Variants in PTPRR observed in about 807,000 individuals in gnomAD.
PTPRR encodes protein tyrosine phosphatase receptor type R.
A neutral mutation model predicts 77.2 loss-of-function variants in PTPRR; 38 were observed. The ratio of observed to expected loss-of-function variants is 0.49; its 90% confidence interval spans 0.38 to 0.65. The LOEUF is 0.65. PTPRR is among the 30% of genes least tolerant of loss of function. The probability of loss-of-function intolerance (pLI) is 0.00; values close to 1 mark genes in which losing one functional copy is unlikely to be tolerated. For missense variants in PTPRR, 744 were observed against 799.2 expected (o/e 0.93, Z 0.83); for synonymous variants, 299 against 283.1 (o/e 1.06, Z -0.57).
chr12:70,661,302 C>G lies in PTPRR; in HGVS notation c.1609-205G>C, dbSNP rs79828932. 1.5e-3 allele frequency: 988 copies of G among 657,342 alleles called. 12 individuals are homozygous for G. In the East Asian group the frequency reaches 0.028, roughly 19 times the overall value. 40.7% of individuals were successfully genotyped at this position (657,342 alleles called of 1,614,324 possible). ...TAACCTGTTTGCAAAGTGAGAAAGT[C>G]ATACCTTTGTTGAGATTTACATCTC... On this transcript the variant is annotated intron_variant, in intron 11 of 13. Transcript: ENST00000283228.
intron 3 of PTPRR, among the ~76,000 whole-genome samples, chr12:70,764,311 G>A (rs1232034416): frequency 2.0e-5 from 3 of 152,144 alleles, no homozygotes; most frequent in African/African-American, 7.2e-5. Flanking sequence ...TATTTTCGGA[G>A]TAGTGTCAGG....
At chr12:70,640,612 T>C (rs1885964552) in intron 13 of PTPRR, among the ~76,000 whole-genome samples, 1 of 152,180 alleles carries the variant, frequency 6.6e-6, no homozygotes, top group African/African-American at 2.4e-5. Context: ...CAACTGATCT[T>C]ATCTTTTAGT....
chr12:70,698,391 C>T (rs1888307136), intron 7 of PTPRR, 42 bp from the exon 8 acceptor site: 7 of 1,539,056 alleles, frequency 4.5e-6, no homozygotes, highest in Non-Finnish European at 6.3e-6. Flanking sequence ...TCTAATACTG[C>T]CACAAAGAAA....
intron 13 of PTPRR, among the ~76,000 whole-genome samples, chr12:70,654,121 C>T (rs1566045110): frequency 6.6e-6 from 1 of 152,028 alleles, no homozygotes; most frequent in Non-Finnish European, 1.5e-5. Context: ...ATGATAATAA[C>T]ATAACAAACA....
rs191707840 is a variant in PTPRR at position 70,900,365 on chromosome 12, C to T, written c.59-7388G>A. On this transcript the variant is annotated intron_variant, in intron 1 of 13. Transcript: ENST00000283228. Reference sequence around the variant, plus strand: ...CATGAAATTGGATTCATACATCACACCATATACAAAAATGAATTAAAGATT... The same window carrying T: ...CATGAAATTGGATTCATACATCACATCATATACAAAAATGAATTAAAGATT... Among the ~76,000 whole-genome samples, 14 of 151,248 alleles carry T rather than the reference C, an allele frequency of 9.3e-5. No homozygotes were observed. In the East Asian group the frequency reaches 2.3e-3, roughly 25 times the overall value.
chr12:70,672,179 T>C (rs1323850674), intron 10 of PTPRR: 1 of 1,542,294 alleles, frequency 6.5e-7, no homozygotes, highest in Non-Finnish European at 8.9e-7. Flanking sequence ...GGGTGCCCAG[T>C]TGCCAGTCCT....
chr12:70,913,228 A>C (rs1010059271), intron 1 of PTPRR, among the ~76,000 whole-genome samples: 6 of 152,140 alleles, frequency 3.9e-5, no homozygotes, highest in African/African-American at 1.2e-4. Context: ...GGATCCAAAA[A>C]CTTTATGGTT....
At chr12:70,804,133 C>T (rs569123403) in intron 2 of PTPRR, among the ~76,000 whole-genome samples, 2 of 82,162 alleles carry the variant, frequency 2.4e-5, no homozygotes, top group African/African-American at 6.7e-5. Context: ...TCACCTGTTC[C>T]TGGCTCTGTG....
chr12:70,685,694 T>C (rs1887842470), intron 8 of PTPRR, among the ~76,000 whole-genome samples: 1 of 152,030 alleles, frequency 6.6e-6, no homozygotes, highest in Non-Finnish European at 1.5e-5. Flanking sequence ...AAAACTATGA[T>C]TCATTTCAGT....
At chr12:70,736,578 G>A (rs1889868812) in intron 6 of PTPRR, among the ~76,000 whole-genome samples, 1 of 152,136 alleles carries the variant, frequency 6.6e-6, no homozygotes, top group African/African-American at 2.4e-5. Flanking sequence ...TACTCTCTGA[G>A]CATGAGTTTC....
Position 70,860,721 on chromosome 12 carries a change from A to G in PTPRR, c.357+31958T>C, listed in dbSNP as rs562533048. 6.6e-5 allele frequency among the ~76,000 whole-genome samples: 10 copies of G among 152,270 alleles called. No individual in the cohort carries two copies. The South Asian group carries it at 2.1e-3, about 32-fold the overall frequency. On this transcript the variant is annotated intron_variant, in intron 2 of 13. Transcript: ENST00000283228. ...AGTCTTCTTCTGTAAAACATATACA[A>G]CATAGACTAGTCAGGATATTAAGGT...
intron 6 of PTPRR, among the ~76,000 whole-genome samples, chr12:70,734,101 G>A (rs1253691924): frequency 6.6e-6 from 1 of 152,126 alleles, no homozygotes. Flanking sequence ...CTTATGCTGG[G>A]AATTATCTGT....
intron 2 of PTPRR, among the ~76,000 whole-genome samples, chr12:70,815,768 C>T (rs551171223): frequency 1.1e-3 from 166 of 152,274 alleles, no homozygotes; most frequent in African/African-American, 3.8e-3. Context: ...AACTCACTAA[C>T]ATTCATTTAA....
At chr12:70,737,055 C>T (rs887497594) in intron 6 of PTPRR, among the ~76,000 whole-genome samples, 5 of 152,174 alleles carry the variant, frequency 3.3e-5, no homozygotes, top group Admixed American at 6.5e-5. Context: ...GCTGGAGCAG[C>T]CCCCTCAGCT....
chr12:70,714,848 G>A (rs1290412385), intron 6 of PTPRR, among the ~76,000 whole-genome samples: 1 of 151,982 alleles, frequency 6.6e-6, no homozygotes, highest in African/African-American at 2.4e-5. Context: ...CGCTGGGCAT[G>A]GTGGTGTGTT....
At chr12:70,693,638 C>A (rs1400136081) in intron 8 of PTPRR, among the ~76,000 whole-genome samples, 1 of 151,628 alleles carries the variant, frequency 6.6e-6, no homozygotes, top group Non-Finnish European at 1.5e-5. Context: ...TGCAAGAATA[C>A]AACATATAAC....
chr12:70,798,123 T>G (rs1403362488), intron 2 of PTPRR, among the ~76,000 whole-genome samples: 1 of 152,176 alleles, frequency 6.6e-6, no homozygotes, highest in Non-Finnish European at 1.5e-5. Context: ...TATTCTAACA[T>G]TCCCATTTTA....
intron 11 of PTPRR, among the ~76,000 whole-genome samples, chr12:70,661,725 T>C (rs1226672348): frequency 6.6e-6 from 1 of 152,118 alleles, no homozygotes; most frequent in African/African-American, 2.4e-5. Context: ...TTTTGGTAAA[T>C]GCCTTCCTAT....
intron 2 of PTPRR, among the ~76,000 whole-genome samples, chr12:70,795,564 T>C (rs1891496363): frequency 6.6e-6 from 1 of 152,206 alleles, no homozygotes; most frequent in Non-Finnish European, 1.5e-5. Flanking sequence ...TATAGCCACA[T>C]CATTTATTAT....
Sources: gnomAD v4.1 joint callset for allele counts (sites outside exome capture counted in the v4.1 genomes callset) on GRCh38, gnomAD v4.1.1 for gene constraint, MANE v1.5 for transcripts, NCBI Gene and HGNC (gene_info 2026-07-23, HGNC 2026-07-21) for gene names.